Variants in SSBP3 observed in about 807,000 individuals in gnomAD.
The protein encoded by SSBP3 is single-stranded DNA-binding protein 3.
A neutral mutation model predicts 69.6 loss-of-function variants in SSBP3; 5 were observed. That is an observed-to-expected ratio of 0.07 (90% confidence interval 0.04 to 0.15). The LOEUF (loss-of-function observed/expected upper bound fraction) is 0.15. Ranked by LOEUF, SSBP3 falls within the 10% of genes least tolerant of loss-of-function variation. The pLI, the probability that SSBP3 is intolerant of heterozygous loss-of-function variation, is 1.00. For synonymous variants in SSBP3, 196 were observed against 193.4 expected (o/e 1.01, Z -0.11); for missense variants, 312 against 534.0 (o/e 0.58, Z 4.10).
intron 4 of SSBP3, among the ~76,000 whole-genome samples, chr1:54,303,186 T>C (rs549890458): frequency 2.6e-5 from 4 of 152,174 alleles, no homozygotes; most frequent in Non-Finnish European, 5.9e-5. Flanking sequence ...CACAGAAAGC[T>C]CTGGAGGCCA....
intron 4 of SSBP3, among the ~76,000 whole-genome samples, chr1:54,355,038 G>C (rs1421204304): frequency 6.6e-6 from 1 of 152,200 alleles, no homozygotes; most frequent in Non-Finnish European, 1.5e-5. Flanking sequence ...GGTGAGGCTG[G>C]GTTGTTTCCT....
At chr1:54,317,787 T>C (rs1172358463) in intron 4 of SSBP3, among the ~76,000 whole-genome samples, 1 of 152,138 alleles carries the variant, frequency 6.6e-6, no homozygotes, top group East Asian at 1.9e-4. Context: ...TTTTTTAAGA[T>C]GAAATCTTGT....
intron 4 of SSBP3, among the ~76,000 whole-genome samples, chr1:54,367,559 G>C (rs992254974): frequency 1.3e-5 from 2 of 152,192 alleles, no homozygotes; most frequent in African/African-American, 4.8e-5. Context: ...AAAGGACGAG[G>C]GGCAGAGTCC....
At chr1:54,227,557 G>A (rs1402318732) in intron 17 of SSBP3, among the ~76,000 whole-genome samples, 2 of 152,130 alleles carry the variant, frequency 1.3e-5, no homozygotes, top group Non-Finnish European at 2.9e-5. Context: ...GGTGCCCTGG[G>A]GTGGGGCCAG....
At chr1:54,303,376 G>C (rs1645838832) in intron 4 of SSBP3, among the ~76,000 whole-genome samples, 1 of 143,436 alleles carries the variant, frequency 7.0e-6, no homozygotes, top group African/African-American at 2.5e-5. Context: ...TAGACAGTCA[G>C]CCCAGGGGGC....
At chr1:54,234,445 G>A (rs1210464753) in intron 14 of SSBP3, among the ~76,000 whole-genome samples, 2 of 152,026 alleles carry the variant, frequency 1.3e-5, no homozygotes, top group Admixed American at 6.6e-5. Flanking sequence ...AAAATTAGCC[G>A]GGTGTGGTGG....
intron 3 of SSBP3, among the ~76,000 whole-genome samples, chr1:54,402,762 C>G (rs985665469): frequency 6.6e-6 from 1 of 152,090 alleles, no homozygotes; most frequent in Non-Finnish European, 1.5e-5. Context: ...ATGGTCACTC[C>G]GACATTCTGT....
chr1:54,399,100 C>G (rs748959220), intron 4 of SSBP3, among the ~76,000 whole-genome samples: 1 of 152,224 alleles, frequency 6.6e-6, no homozygotes. Context: ...CTCATTCTTA[C>G]CTAACTCCTT....
At chr1:54,274,326 A>G (rs1041241032) in intron 5 of SSBP3, among the ~76,000 whole-genome samples, 2 of 152,324 alleles carry the variant, frequency 1.3e-5, no homozygotes, top group Middle Eastern at 6.8e-3. Flanking sequence ...ACTATCTCAT[A>G]GAATCAAATG....
intron 4 of SSBP3, among the ~76,000 whole-genome samples, chr1:54,348,344 A>G (rs531332021): frequency 6.6e-6 from 1 of 151,090 alleles, no homozygotes; most frequent in East Asian, 2.0e-4. Context: ...CCTGCGGGTC[A>G]AGAGGACACA....
intron 11 of SSBP3, among the ~76,000 whole-genome samples, 185 bp downstream of exon 11, chr1:54,241,979 G>A (rs1051432965): frequency 1.3e-5 from 2 of 152,120 alleles, no homozygotes; most frequent in African/African-American, 4.8e-5. Context: ...CAGGGGTGGA[G>A]CCCTTGATGA....
chr1:54,269,469 C>G (rs145380834), intron 5 of SSBP3, among the ~76,000 whole-genome samples: 19 of 152,288 alleles, frequency 1.2e-4, no homozygotes, highest in African/African-American at 4.6e-4. Flanking sequence ...CAAAACAGAC[C>G]GAAGTTCCTA....
chr1:54,352,564 T>C (rs1319926520), intron 4 of SSBP3, among the ~76,000 whole-genome samples: 1 of 152,088 alleles, frequency 6.6e-6, no homozygotes, highest in Non-Finnish European at 1.5e-5. Flanking sequence ...GTCATCCATA[T>C]GGGGTCTTAC....
At chr1:54,366,301 C>T (rs547612862) in intron 4 of SSBP3, among the ~76,000 whole-genome samples, 1 of 152,278 alleles carries the variant, frequency 6.6e-6, no homozygotes, top group South Asian at 2.1e-4. Flanking sequence ...TCCCCAGTCC[C>T]TTTCCTGAGT....
intron 4 of SSBP3, among the ~76,000 whole-genome samples, chr1:54,360,492 A>G (rs960897127): frequency 1.3e-5 from 2 of 152,194 alleles, no homozygotes; most frequent in Admixed American, 6.5e-5. Context: ...GAAGGGGCTC[A>G]GGGGTCCCCA....
chr1:54,251,548 G>C, intron 9 of SSBP3, 68 bp downstream of exon 9: 1 of 1,476,976 alleles, frequency 6.8e-7, no homozygotes, highest in East Asian at 2.5e-5. Context: ...ACAGAGCATG[G>C]AAACAGGAGA....
chr1:54,307,664 T>G (rs1003838279), intron 4 of SSBP3, among the ~76,000 whole-genome samples: 3 of 152,104 alleles, frequency 2.0e-5, no homozygotes, highest in African/African-American at 7.2e-5. Flanking sequence ...CATAAAGACT[T>G]TGCTGATAAA....
intron 5 of SSBP3, among the ~76,000 whole-genome samples, chr1:54,273,524 C>T (rs1645232206): frequency 6.6e-6 from 1 of 152,334 alleles, no homozygotes; most frequent in African/African-American, 2.4e-5. Flanking sequence ...AGGCTGGCTG[C>T]CGGGCAGGGA....
exon 10 of SSBP3, chr1:54,243,248 G>T: frequency 6.2e-7 from 1 of 1,613,936 alleles, no homozygotes; most frequent in South Asian, 1.1e-5. Context: ...TTAATCCCGG[G>T]CATGGCGGGG....
Sources: allele counts gnomAD v4.1 joint callset (sites outside exome capture counted in the v4.1 genomes callset), GRCh38; gene constraint gnomAD v4.1.1; transcripts MANE v1.5; gene names NCBI Gene and HGNC (gene_info 2026-07-23, HGNC 2026-07-21).